Variants in MMP28 observed in about 807,000 individuals in gnomAD.
The protein encoded by MMP28 is matrix metalloproteinase-28.
In MMP28, 55 loss-of-function variants were observed where a neutral mutation model predicts 60.5. That is an observed-to-expected ratio of 0.91 (90% CI 0.73 to 1.14). The LOEUF (loss-of-function observed/expected upper bound fraction) is 1.14. Among genes scored for constraint, MMP28 ranks in the 50% most tolerant of loss-of-function variants. MMP28 has a pLI of 0.00. For synonymous variants in MMP28, 318 were observed against 312.5 expected (o/e 1.02, Z -0.18); for missense variants, 686 against 738.3 (o/e 0.93, Z 0.82).
chr17:35,771,908 T>C (rs2086168582), intron 4 of MMP28, among the ~76,000 whole-genome samples: 1 of 150,992 alleles, frequency 6.6e-6, no homozygotes, highest in Admixed American at 6.6e-5. Context: ...GGTGCCAGGG[T>C]ACCACCCCTA....
intron 1 of MMP28, 80 bp from the exon 2 acceptor site, chr17:35,779,403 T>G: frequency 8.9e-7 from 1 of 1,126,942 alleles, no homozygotes; most frequent in Non-Finnish European, 1.3e-6. Flanking sequence ...GGCACATACA[T>G]CCTGCCCAGT....
chr17:35,783,593 G>C (rs2086567269), intron 1 of MMP28, among the ~76,000 whole-genome samples: 2 of 152,200 alleles, frequency 1.3e-5, no homozygotes, highest in Admixed American at 6.5e-5. Flanking sequence ...GGCATGGCTG[G>C]CACTCCCTTG....
chr17:35,791,289 C>A (rs1456879496), intron 1 of MMP28, among the ~76,000 whole-genome samples: 3 of 151,902 alleles, frequency 2.0e-5, no homozygotes, highest in Non-Finnish European at 4.4e-5. Flanking sequence ...TTAATCCCAG[C>A]ACTTTGGAAG....
In MMP28 at chr17:35,773,178, A is replaced by C. The variant is rs1366311379; in HGVS notation, c.604+2T>G. The C allele has an allele frequency of 6.2e-7, 1 of 1,613,014 alleles. No homozygotes were observed. The highest frequency in any genetic ancestry group is 1.7e-5 in the Admixed American group (1 of 59,934). On this transcript the variant is annotated splice_donor_variant, in intron 4 of 7. Transcript: ENST00000605424. LOFTEE classifies it high-confidence loss of function. The stretch of plus-strand genomic sequence containing the variant: ...TGCGGGAGGGAGGCTTTGTGCCAGC[A>C]CCTGGGCCATCAAAGGCATTGCCCA...
chr17:35,764,203 C>T, downstream of MMP28: 1 of 1,547,584 alleles, frequency 6.5e-7, no homozygotes, highest in Non-Finnish European at 8.7e-7. Context: ...CAGTGTCCTA[C>T]TGCCCGCTGC....
At chr17:35,791,588 G>A (rs1360246149) in intron 1 of MMP28, among the ~76,000 whole-genome samples, 2 of 152,304 alleles carry the variant, frequency 1.3e-5, no homozygotes, top group South Asian at 4.1e-4. Flanking sequence ...AGGGAAATAA[G>A]TGTTTTATGT....
intron 1 of MMP28, among the ~76,000 whole-genome samples, chr17:35,782,034 C>A (rs918456638): frequency 1.3e-5 from 2 of 150,692 alleles, no homozygotes; most frequent in Non-Finnish European, 1.5e-5. Flanking sequence ...ACCTTGCCTA[C>A]CATGTTGTAT....
chr17:35,771,370 G>A (rs1361610136), intron 4 of MMP28, among the ~76,000 whole-genome samples: 3 of 145,236 alleles, frequency 2.1e-5, no homozygotes, highest in Non-Finnish European at 3.0e-5. Flanking sequence ...AGCAGAGCTT[G>A]CAGTGAGCTG....
downstream of MMP28, chr17:35,764,321 G>A (rs145033564): frequency 1.4e-6 from 2 of 1,477,156 alleles, no homozygotes; most frequent in Non-Finnish European, 1.8e-6. Flanking sequence ...AGCTCCCACC[G>A]ACAGGTGCCT....
intron 3 of MMP28, among the ~76,000 whole-genome samples, chr17:35,776,056 A>G (rs891361349): frequency 6.6e-6 from 1 of 151,046 alleles, no homozygotes; most frequent in Non-Finnish European, 1.5e-5. Flanking sequence ...TTGTACTTTT[A>G]GTAGAGATGG....
chr17:35,770,397 G>A (rs2143249105), intron 4 of MMP28, 85 bp from the exon 5 acceptor site: 2 of 1,404,434 alleles, frequency 1.4e-6, no homozygotes, highest in Non-Finnish European at 9.3e-7. Flanking sequence ...CCACTGGGGT[G>A]TGTGTGGCTG....
intron 3 of MMP28, among the ~76,000 whole-genome samples, chr17:35,775,942 G>A (rs746735406): frequency 6.8e-6 from 1 of 147,398 alleles, no homozygotes; most frequent in Non-Finnish European, 1.5e-5. Flanking sequence ...GGTGCCATCC[G>A]GGCTCACTGC....
chr17:35,787,612 T>C (rs2086688857), intron 1 of MMP28, among the ~76,000 whole-genome samples: 1 of 152,276 alleles, frequency 6.6e-6, no homozygotes, highest in Non-Finnish European at 1.5e-5. Context: ...TGCCTCAGTC[T>C]CCCGACTATC....
intron 1 of MMP28, among the ~76,000 whole-genome samples, chr17:35,780,111 C>G (rs576003907): frequency 6.6e-6 from 1 of 152,054 alleles, no homozygotes; most frequent in African/African-American, 2.4e-5. Flanking sequence ...TCTTGTTGCC[C>G]AGGCTGGAGT....
intron 3 of MMP28, 81 bp downstream of exon 3, chr17:35,778,807 T>C: frequency 1.9e-6 from 3 of 1,612,440 alleles, no homozygotes; most frequent in Non-Finnish European, 2.5e-6. Flanking sequence ...CAAAGTCCAG[T>C]CCCAGGCTCA....
intron 1 of MMP28, among the ~76,000 whole-genome samples, chr17:35,787,250 A>G (rs2086678220): frequency 6.6e-6 from 1 of 152,214 alleles, no homozygotes; most frequent in Admixed American, 6.5e-5. Flanking sequence ...CAGCCAGAAC[A>G]GGTCGTCTAA....
rs1313135715 is a variant in MMP28 at position 35,777,330 on chromosome 17, C to G, written c.379+1558G>C. 2.6e-5 allele frequency among the ~76,000 whole-genome samples: 4 copies of G among 152,340 alleles called. No homozygotes were observed. In the South Asian group the frequency reaches 8.3e-4, roughly 32 times the overall value. ...CCCAGAAACACGGTGGGACACAGAA[C>G]ATGTTGACACCAAGGGCATCCTGAC... On this transcript the variant is annotated intron_variant, in intron 3 of 7. Coordinates refer to ENST00000605424, the MANE Select transcript of MMP28 (RefSeq NM_024302.5).
intron 2 of MMP28, among the ~76,000 whole-genome samples, chr17:35,760,685 C>G (rs1994182): frequency 0.32 from 49,170 of 151,994 alleles, 10,720 homozygotes; most frequent in African/African-American, 0.6. Flanking sequence ...CAGTTTATTG[C>G]GGGCCAAAGC....
intron 4 of MMP28, 132 bp from the exon 5 acceptor site, chr17:35,770,444 G>A: frequency 8.2e-7 from 1 of 1,224,066 alleles, no homozygotes; most frequent in Non-Finnish European, 1.1e-6. Flanking sequence ...AAATCTGGCA[G>A]AACCTGAAGT....
Sources: gnomAD v4.1 joint callset for allele counts (sites outside exome capture counted in the v4.1 genomes callset) on GRCh38, gnomAD v4.1.1 for gene constraint, MANE v1.5 for transcripts, NCBI Gene and HGNC (gene_info 2026-07-23, HGNC 2026-07-21) for gene names.